GTF2A1: variants seen among roughly 807,000 people sequenced by gnomAD.
The protein encoded by GTF2A1 is transcription initiation factor IIA subunit 1.
Under a neutral mutation model 54.1 loss-of-function variants are expected in GTF2A1, and 12 were observed. The ratio of observed to expected loss-of-function variants is 0.22; its 90% CI spans 0.14 to 0.36. GTF2A1 has a LOEUF of 0.36. Among genes scored for constraint, GTF2A1 ranks in the 10% least tolerant of loss-of-function variants. The pLI is 1.00. For missense variants in GTF2A1, 335 were observed against 442.2 expected (o/e 0.76, Z 2.17); for synonymous variants, 145 against 152.0 (o/e 0.95, Z 0.34).
At chr14:81,188,509 C>T (rs1306922571) in intron 7 of GTF2A1, among the ~76,000 whole-genome samples, 2 of 152,146 alleles carry the variant, frequency 1.3e-5, no homozygotes, top group African/African-American at 2.4e-5. Flanking sequence ...CAATGGCTCA[C>T]GCCTGTAATC....
chr14:81,194,080 C>T (rs948153501), intron 6 of GTF2A1, among the ~76,000 whole-genome samples: 5 of 152,148 alleles, frequency 3.3e-5, no homozygotes, highest in African/African-American at 1.2e-4. Context: ...TTAAAGGCAG[C>T]GGTCCCCAAC....
intron 7 of GTF2A1, among the ~76,000 whole-genome samples, chr14:81,190,769 A>C (rs1892858862): frequency 6.6e-6 from 1 of 152,166 alleles, no homozygotes; most frequent in African/African-American, 2.4e-5. Context: ...ACCACTTCTA[A>C]TCAATACTGT....
intron 6 of GTF2A1, among the ~76,000 whole-genome samples, chr14:81,193,415 T>TC (rs1892920496): frequency 6.6e-6 from 1 of 152,134 alleles, no homozygotes; most frequent in Admixed American, 6.5e-5. Flanking sequence ...TCCGCCCGCC[T>TC]CCCAAAGTGC....
At chr14:81,183,395 T>C (rs1481733311) in intron 8 of GTF2A1, among the ~76,000 whole-genome samples, 2 of 152,204 alleles carry the variant, frequency 1.3e-5, no homozygotes, top group Non-Finnish European at 2.9e-5. Flanking sequence ...TAAGAGATTC[T>C]ATAGACAAGT....
chr14:81,185,388 C>T (rs924644029), intron 8 of GTF2A1, 143 bp downstream of exon 8: 5 of 478,388 alleles, frequency 1.0e-5, no homozygotes, highest in African/African-American at 8.7e-5. Flanking sequence ...ATCCACAAAA[C>T]TCTAACAGGG....
chr14:81,216,217 C>T (rs554833757), intron 2 of GTF2A1, among the ~76,000 whole-genome samples, 196 bp downstream of exon 2: 4 of 152,158 alleles, frequency 2.6e-5, no homozygotes, highest in Admixed American at 1.3e-4. Context: ...TTCCATCTTA[C>T]GTATAAGAAA....
intron 6 of GTF2A1, among the ~76,000 whole-genome samples, chr14:81,193,185 T>G (rs1397485366): frequency 1.3e-5 from 2 of 149,644 alleles, no homozygotes; most frequent in Non-Finnish European, 3.0e-5. Flanking sequence ...TTTTTTTTTA[T>G]AGATGGAGTC....
At chr14:81,186,916 C>G (rs1892760556) in intron 7 of GTF2A1, among the ~76,000 whole-genome samples, 1 of 151,854 alleles carries the variant, frequency 6.6e-6, no homozygotes, top group South Asian at 2.1e-4. Flanking sequence ...CCATTGCACT[C>G]CAGCCTGGAC....
chr14:81,216,356 A>G (rs1163180617), intron 2 of GTF2A1, 57 bp downstream of exon 2: 4 of 776,886 alleles, frequency 5.1e-6, no homozygotes, highest in African/African-American at 1.7e-5. Flanking sequence ...ATCTCCGGCT[A>G]AAGAAAATGT....
chr14:81,220,693 G>C lies in GTF2A1; in HGVS notation c.-175C>G. 3 of 404,274 alleles carry C rather than the reference G, an allele frequency of 7.4e-6. No homozygotes were observed. Among genetic ancestry groups the C allele is most frequent in the Non-Finnish European group, 8.7e-6 (2 of 230,058 alleles). 25.0% of individuals were successfully genotyped at this position (404,274 alleles called of 1,614,324 possible). On this transcript the variant is annotated 5_prime_UTR_variant, in exon 1 of 9. Coordinates refer to ENST00000553612, the MANE Select transcript of GTF2A1 (RefSeq NM_015859.4). ...TAGGGGAGAGCGGAGAGAGGAGGAGGAGGGGGGCACTCCTCCCGCAGCTGA... is the reference window on the plus strand; with the variant it reads ...TAGGGGAGAGCGGAGAGAGGAGGAGCAGGGGGGCACTCCTCCCGCAGCTGA...
At chr14:81,215,565 A>T (rs968742211) in intron 2 of GTF2A1, among the ~76,000 whole-genome samples, 1 of 152,224 alleles carries the variant, frequency 6.6e-6, no homozygotes, top group Non-Finnish European at 1.5e-5. Flanking sequence ...AAAAAAATCT[A>T]AATATTTCCA....
intron 6 of GTF2A1, among the ~76,000 whole-genome samples, chr14:81,194,653 C>T (rs2288499): frequency 0.39 from 60,042 of 152,046 alleles, 14,039 homozygotes; most frequent in Middle Eastern, 0.55. Context: ...AGTGCCACAG[C>T]ACAAGAATAT....
At position 81,203,911 on chromosome 14, in the gene GTF2A1, G is replaced by C; in HGVS notation, c.326C>G (p.Ala109Gly). The C allele has an allele frequency of 6.2e-7, 1 of 1,612,746 alleles. No individual in the cohort carries two copies. Among genetic ancestry groups the C allele is most frequent in the East Asian group, 2.2e-5 (1 of 44,878 alleles). ...AAGTCCAGTCTCACCTTGCTGTGAT[G>C]CAGGAATAAGAACCTGCTGGGTCTG... ...QAQTQQVLIP[A>G]SQQATAPQVI... The change falls in exon 3 of 9, where the codon GCA (alanine) becomes GGA (glycine). Residue 109 changes from alanine to glycine, a missense_variant. By Grantham distance (60) the Ala-to-Gly change is moderately conservative (BLOSUM62 0). Coordinates refer to ENST00000553612, the MANE Select transcript of GTF2A1 (RefSeq NM_015859.4).
intron 7 of GTF2A1, among the ~76,000 whole-genome samples, chr14:81,192,266 CAT>C (rs1029801199): frequency 3.9e-5 from 6 of 152,170 alleles, no homozygotes; most frequent in Non-Finnish European, 7.3e-5. Flanking sequence ...CTTTACTACA[CAT>C]ATTAATACAA....
chr14:81,178,414 GTC>G lies in GTF2A1; in HGVS notation c.*1807_*1808del, dbSNP rs1892571807. The G allele has an allele frequency of 6.6e-6, 1 of 152,062 alleles. No homozygotes were observed. The highest frequency in any genetic ancestry group is 1.5e-5 in the Non-Finnish European group (1 of 67,992). 9.4% of individuals were successfully genotyped at this position (152,062 alleles called of 1,614,324 possible). ...TTTAAAACCTCTGTGTGCTTTGAGA[GTC>G]ACAGAATAAACAAACTTCCCCTCAA... On this transcript the variant is annotated 3_prime_UTR_variant, in exon 9 of 9. Coordinates refer to ENST00000553612, the MANE Select transcript of GTF2A1 (RefSeq NM_015859.4).
chr14:81,203,116 G>A (rs1405454553), intron 3 of GTF2A1, among the ~76,000 whole-genome samples: 1 of 152,204 alleles, frequency 6.6e-6, no homozygotes, highest in South Asian at 2.1e-4. Context: ...TTTGTCATGA[G>A]AGAAAATACA....
chr14:81,218,202 T>C (rs1160479869), intron 1 of GTF2A1, among the ~76,000 whole-genome samples: 5 of 152,174 alleles, frequency 3.3e-5, no homozygotes, highest in African/African-American at 9.6e-5. Context: ...TTCAGTAAAC[T>C]AGATGGTGTT....
rs1176042568 is a variant in GTF2A1, at chr14:81,220,542, G to A, written c.-24C>T. 4 of 1,554,274 alleles carry A rather than the reference G, an allele frequency of 2.6e-6. No individual in the cohort carries two copies. The highest frequency in any genetic ancestry group is 3.8e-5 in the Admixed American group (2 of 52,216). On this transcript the variant is annotated 5_prime_UTR_variant, in exon 1 of 9. Coordinates refer to ENST00000553612, the MANE Select transcript of GTF2A1 (RefSeq NM_015859.4). Reference sequence around the variant, plus strand: ...ATTTCCACACACAACACAAACAAGAGGGGGCAACCCCAAGAAAACAAGATA... The same window carrying A: ...ATTTCCACACACAACACAAACAAGAAGGGGCAACCCCAAGAAAACAAGATA...
At chr14:81,187,371 A>AT (rs950410524) in intron 7 of GTF2A1, among the ~76,000 whole-genome samples, 1 of 151,872 alleles carries the variant, frequency 6.6e-6, no homozygotes, top group African/African-American at 2.4e-5. Flanking sequence ...AAAAAAAAAA[A>AT]TCTCTGAGGT....
Sources: gnomAD v4.1 joint callset for allele counts (sites outside exome capture counted in the v4.1 genomes callset) on GRCh38, gnomAD v4.1.1 for gene constraint, MANE v1.5 for transcripts, NCBI Gene and HGNC (gene_info 2026-07-23, HGNC 2026-07-21) for gene names.